Variants in SMCO4 observed in about 807,000 individuals in gnomAD.
SMCO4 encodes the protein single-pass membrane protein with coiled-coil domains 4.
Under a neutral mutation model 3.6 loss-of-function variants are expected in SMCO4, and 4 were observed. The observed-to-expected ratio is 1.11, with a 90% CI of 0.54 to 2.53. The LOEUF (loss-of-function observed/expected upper bound fraction) is 2.53. Among genes scored for constraint, SMCO4 ranks in the 30% most tolerant of loss-of-function variants. The pLI, the probability that SMCO4 is intolerant of heterozygous loss-of-function variation, is 0.02. For missense variants in SMCO4, 70 were observed against 80.8 expected (o/e 0.87, Z 0.51); for synonymous variants, 36 against 35.3 (o/e 1.02, Z -0.07).
At chr11:93,480,206 A>T (rs1458228807) in intron 2 of SMCO4, among the ~76,000 whole-genome samples, 1 of 152,226 alleles carries the variant, frequency 6.6e-6, no homozygotes, top group Non-Finnish European at 1.5e-5. Context: ...AAAGCCAAAG[A>T]ACCAGGCTCA....
chr11:93,491,570 A>G (rs1185248225), intron 2 of SMCO4, among the ~76,000 whole-genome samples: 1 of 152,210 alleles, frequency 6.6e-6, no homozygotes, highest in African/African-American at 2.4e-5. Context: ...CAGGACCACT[A>G]GGCAAGTAAG....
At chr11:93,545,248 A>G (rs1276420161), upstream of SMCO4, among the ~76,000 whole-genome samples, 2 of 152,330 alleles carry the variant, frequency 1.3e-5, no homozygotes. Flanking sequence ...AGGTGACTCC[A>G]CATGCTCCCT....
At chr11:93,534,318 A>G (rs1430218431) in intron 1 of SMCO4, among the ~76,000 whole-genome samples, 1 of 149,408 alleles carries the variant, frequency 6.7e-6, no homozygotes, top group Non-Finnish European at 1.5e-5. Context: ...ATATACACAT[A>G]TATACACATA....
chr11:93,497,799 C>T (rs775343930), intron 2 of SMCO4, among the ~76,000 whole-genome samples: 27 of 152,170 alleles, frequency 1.8e-4, no homozygotes, highest in Non-Finnish European at 3.2e-4. Context: ...GAAAATCTGC[C>T]GACGTGTGTC....
chr11:93,489,700 C>T (rs1055081740), intron 2 of SMCO4, among the ~76,000 whole-genome samples: 1 of 152,254 alleles, frequency 6.6e-6, no homozygotes, highest in Non-Finnish European at 1.5e-5. Context: ...GGCATAGGCC[C>T]TGAACCTGAA....
the SMCO4 span, among the ~76,000 whole-genome samples, chr11:93,548,994 A>T: frequency 2.6e-5 from 4 of 152,330 alleles, no homozygotes; most frequent in East Asian, 7.7e-4. Flanking sequence ...GTCATAGCTG[A>T]AGTAGAGTTA....
chr11:93,478,767 T>G lies in SMCO4; in HGVS notation c.*243A>C. On this transcript the variant is annotated 3_prime_UTR_variant, in exon 3 of 3. Coordinates refer to ENST00000298966, the MANE Select transcript of SMCO4 (RefSeq NM_020179.3). ...CACACACACACATGCGCGCGCGCTT[T>G]GAAGTCTGAAAGGCACATGAAGTGG... 1 of 1,143,380 alleles carries G rather than the reference T, an allele frequency of 8.7e-7. No individual in the cohort carries two copies. The allele number at this position is 1,143,380 out of a possible 1,614,324, so 70.8% of individuals were successfully genotyped here. A position where few individuals can be genotyped will look rare whatever the true frequency, so the allele number is the denominator to read the frequency against.
chr11:93,481,042 G>A (rs1413639810), intron 2 of SMCO4, among the ~76,000 whole-genome samples: 5 of 149,072 alleles, frequency 3.4e-5, no homozygotes, highest in Non-Finnish European at 3.0e-5. Context: ...GGAACAGAGA[G>A]AAAAAAAAAA....
At chr11:93,534,373 T>TAGAGAGAGAGAG (rs559386704) in intron 1 of SMCO4, among the ~76,000 whole-genome samples, 3 of 134,186 alleles carry the variant, frequency 2.2e-5, no homozygotes, top group Non-Finnish European at 3.2e-5. Flanking sequence ...TATATATATA[T>TAGAGAGAGAGAG]ATAGAGAGAG....
intron 2 of SMCO4, among the ~76,000 whole-genome samples, chr11:93,488,162 T>A (rs1216941434): frequency 6.6e-6 from 1 of 152,168 alleles, no homozygotes; most frequent in Non-Finnish European, 1.5e-5. Flanking sequence ...ACCAGAGACT[T>A]GAAGGGACCT....
chr11:93,485,708 T>C (rs1268285374), intron 2 of SMCO4, among the ~76,000 whole-genome samples: 1 of 152,254 alleles, frequency 6.6e-6, no homozygotes, highest in Non-Finnish European at 1.5e-5. Context: ...TCTGCTGGAC[T>C]GAATATCAAA....
At chr11:93,535,622 C>G in intron 1 of SMCO4, 1 of 1,579,906 alleles carries the variant, frequency 6.3e-7, no homozygotes, top group Non-Finnish European at 8.7e-7. Context: ...TTTGAGCCTG[C>G]AGACAACAAG....
chr11:93,504,038 TGAA>T (rs1301273274), intron 1 of SMCO4, among the ~76,000 whole-genome samples: 1 of 152,228 alleles, frequency 6.6e-6, no homozygotes, highest in African/African-American at 2.4e-5. Flanking sequence ...TGATTATCTC[TGAA>T]GAAGGATTAT....
chr11:93,528,199 T>C (rs1949129281), intron 1 of SMCO4, among the ~76,000 whole-genome samples: 1 of 152,236 alleles, frequency 6.6e-6, no homozygotes, highest in African/African-American at 2.4e-5. Context: ...TACACATAGA[T>C]ATTTCTTAAC....
intron 2 of SMCO4, among the ~76,000 whole-genome samples, chr11:93,486,320 G>A (rs1306113466): frequency 6.6e-6 from 1 of 152,154 alleles, no homozygotes; most frequent in Non-Finnish European, 1.5e-5. Flanking sequence ...CTGCTTCCAG[G>A]GAGGCCAGGC....
intron 1 of SMCO4, among the ~76,000 whole-genome samples, chr11:93,507,425 T>C (rs1232246950): frequency 1.3e-5 from 2 of 152,168 alleles, no homozygotes; most frequent in Non-Finnish European, 1.5e-5. Flanking sequence ...TTGGAAAACC[T>C]GTATCCAGTA....
At chr11:93,535,372 T>A in intron 1 of SMCO4, 1 of 741,476 alleles carries the variant, frequency 1.3e-6, no homozygotes, top group African/African-American at 1.8e-5. Flanking sequence ...CCACCACTCT[T>A]AACATCTACG....
intron 2 of SMCO4, among the ~76,000 whole-genome samples, chr11:93,489,940 C>G (rs1299500382): frequency 6.6e-6 from 1 of 152,214 alleles, no homozygotes; most frequent in African/African-American, 2.4e-5. Context: ...TAAGGTGACT[C>G]TCTTGTTTGT....
chr11:93,531,048 G>T (rs1949157252), intron 1 of SMCO4, among the ~76,000 whole-genome samples: 1 of 152,226 alleles, frequency 6.6e-6, no homozygotes, highest in African/African-American at 2.4e-5. Context: ...TGGGCCATGG[G>T]TGCCCAGACT....
Sources: allele counts gnomAD v4.1 joint callset (sites outside exome capture counted in the v4.1 genomes callset), GRCh38; gene constraint gnomAD v4.1.1; transcripts MANE v1.5; gene names NCBI Gene and HGNC (gene_info 2026-07-23, HGNC 2026-07-21).